MACROD2: variants seen among roughly 807,000 people sequenced by gnomAD.
MACROD2 encodes mono-ADP ribosylhydrolase 2.
A neutral mutation model predicts 70.4 loss-of-function variants in MACROD2; 36 were observed. The ratio of observed to expected loss-of-function variants is 0.51; its 90% CI spans 0.39 to 0.68. The LOEUF is 0.68. MACROD2 is among the 30% of genes least tolerant of loss of function. The pLI is 0.00. For missense variants in MACROD2, 496 were observed against 538.4 expected, an observed-to-expected ratio of 0.92 and a Z score of 0.78; for synonymous variants, 172 against 178.8, an observed-to-expected ratio of 0.96 and a Z score of 0.30.
intron 5 of MACROD2, among the ~76,000 whole-genome samples, chr20:14,806,413 A>G (rs2072639582): frequency 6.6e-6 from 1 of 152,046 alleles, no homozygotes; most frequent in African/African-American, 2.4e-5. Context: ...CAGCCCAGAT[A>G]CTATGCTTTT....
chr20:15,396,331 A>G (rs2045859932), intron 6 of MACROD2, among the ~76,000 whole-genome samples: 1 of 152,204 alleles, frequency 6.6e-6, no homozygotes, highest in African/African-American at 2.4e-5. Flanking sequence ...CATTATTAGT[A>G]TCCCCATTTT....
Position 14,266,321 on chromosome 20 carries a change from T to A in MACROD2, c.271+180593T>A, listed in dbSNP as rs543677765. On this transcript the variant is annotated intron_variant, in intron 3 of 17. Transcript: ENST00000684519. ...CAATAGTCTCTTTCTGTTTTGAAAATTTGGGGTTTCTTGATCATCAGAGGG... is the reference window on the plus strand; with the variant it reads ...CAATAGTCTCTTTCTGTTTTGAAAAATTGGGGTTTCTTGATCATCAGAGGG... Among the ~76,000 whole-genome samples the A allele has an allele frequency of 7.2e-5, 11 of 152,226 alleles. 1 individual carries two copies. Among genetic ancestry groups the A allele is most frequent in the African/African-American group, 2.4e-4 (10 of 41,550 alleles).
intron 8 of MACROD2, among the ~76,000 whole-genome samples, chr20:15,830,102 A>C (rs1478973468): frequency 6.6e-6 from 1 of 152,160 alleles, no homozygotes; most frequent in African/African-American, 2.4e-5. Context: ...ATGAAAGTGC[A>C]AGTGGTGGGC....
intron 3 of MACROD2, among the ~76,000 whole-genome samples, chr20:14,364,442 T>C (rs981369840): frequency 6.6e-5 from 10 of 152,242 alleles, no homozygotes; most frequent in African/African-American, 2.4e-4. Context: ...TTAAAAATTA[T>C]TGTGAAATTT....
chr20:14,470,799 A>G (rs13045655), intron 3 of MACROD2, among the ~76,000 whole-genome samples: 22,743 of 152,192 alleles, frequency 0.15, 2,410 homozygotes, highest in Non-Finnish European at 0.22. Context: ...ATCCCAGGTC[A>G]GCTTCAGACT....
chr20:15,678,455 G>A lies in MACROD2; in HGVS notation c.645+178608G>A, dbSNP rs567720155. 5.9e-5 allele frequency among the ~76,000 whole-genome samples: 9 copies of A among 152,040 alleles called. No individual in the cohort carries two copies. The East Asian group carries it at 1.4e-3, about 23-fold the overall frequency. On this transcript the variant is annotated intron_variant, in intron 8 of 17. Coordinates refer to ENST00000684519, the MANE Select transcript of MACROD2 (RefSeq NM_001351661.2). ...GCTCACTGCAAGCTCTGCCTCCCGG[G>A]TTCACGCCATTCTCCTGCCTCAGCC...
At chr20:14,149,633 C>G (rs376897208) in intron 3 of MACROD2, among the ~76,000 whole-genome samples, 4 of 152,170 alleles carry the variant, frequency 2.6e-5, no homozygotes, top group African/African-American at 7.2e-5. Flanking sequence ...TTCTCCATAG[C>G]CTTATAGCCA....
At chr20:15,952,411 C>T (rs1442906338) in intron 12 of MACROD2, among the ~76,000 whole-genome samples, 2 of 151,582 alleles carry the variant, frequency 1.3e-5, no homozygotes, top group African/African-American at 4.9e-5. Flanking sequence ...TTTATCAGTA[C>T]TGCATCTTTC....
chr20:14,671,291 A>G (rs889012735), intron 4 of MACROD2, among the ~76,000 whole-genome samples: 3 of 152,194 alleles, frequency 2.0e-5, no homozygotes, highest in African/African-American at 4.8e-5. Flanking sequence ...AGCATCTGAA[A>G]AATACATCTT....
intron 5 of MACROD2, among the ~76,000 whole-genome samples, chr20:15,215,555 A>G (rs1396599253): frequency 1.3e-5 from 2 of 152,068 alleles, no homozygotes; most frequent in Non-Finnish European, 2.9e-5. Flanking sequence ...GAAAATACAT[A>G]AAATACATAA....
chr20:14,029,585 T>C (rs1178532216), intron 2 of MACROD2, among the ~76,000 whole-genome samples: 1 of 152,122 alleles, frequency 6.6e-6, no homozygotes, highest in East Asian at 1.9e-4. Context: ...TTTAGAACAA[T>C]ATAAGAAAAA....
chr20:15,699,767 A>T (rs978155840), intron 8 of MACROD2, among the ~76,000 whole-genome samples: 3 of 152,166 alleles, frequency 2.0e-5, no homozygotes, highest in Non-Finnish European at 2.9e-5. Flanking sequence ...AGTTCTTGCC[A>T]GGAGGCTTCT....
intron 13 of MACROD2, among the ~76,000 whole-genome samples, chr20:15,985,140 T>C (rs1288021081): frequency 1.3e-5 from 2 of 152,190 alleles, no homozygotes; most frequent in Non-Finnish European, 2.9e-5. Flanking sequence ...CTCCTTTAAA[T>C]TCTTTCTTGA....
chr20:15,476,888 T>A (rs2047028857), intron 7 of MACROD2, among the ~76,000 whole-genome samples: 1 of 152,182 alleles, frequency 6.6e-6, no homozygotes, highest in South Asian at 2.1e-4. Context: ...TTTTGGTTTG[T>A]CAGAAACTGG....
intron 8 of MACROD2, among the ~76,000 whole-genome samples, chr20:15,548,027 C>A (rs543324525): frequency 6.6e-6 from 1 of 152,124 alleles, no homozygotes; most frequent in African/African-American, 2.4e-5. Flanking sequence ...ATCCAAATAA[C>A]CCTTCTCTCA....
chr20:14,763,490 C>T (rs1055788599), intron 5 of MACROD2, among the ~76,000 whole-genome samples: 3 of 152,056 alleles, frequency 2.0e-5, no homozygotes, highest in Non-Finnish European at 4.4e-5. Flanking sequence ...GTCAGGGATG[C>T]ATGTGAAGGG....
At chr20:15,590,621 G>A (rs762726676) in intron 8 of MACROD2, among the ~76,000 whole-genome samples, 1 of 152,108 alleles carries the variant, frequency 6.6e-6, no homozygotes, top group African/African-American at 2.4e-5. Flanking sequence ...GGTGGCTCAC[G>A]CCTGTAATCC....
chr20:14,330,906 A>C (rs1398894932), intron 3 of MACROD2, among the ~76,000 whole-genome samples: 1 of 152,140 alleles, frequency 6.6e-6, no homozygotes, highest in Non-Finnish European at 1.5e-5. Flanking sequence ...TCTTCTGTAA[A>C]AGTTTTTTAA....
At chr20:14,088,959 A>G (rs2054115803) in intron 3 of MACROD2, among the ~76,000 whole-genome samples, 1 of 152,208 alleles carries the variant, frequency 6.6e-6, no homozygotes, top group Non-Finnish European at 1.5e-5. Flanking sequence ...AAATGGTGCA[A>G]AACAGAAGAA....
Sources: gnomAD v4.1 joint callset for allele counts (sites outside exome capture counted in the v4.1 genomes callset) on GRCh38, gnomAD v4.1.1 for gene constraint, MANE v1.5 for transcripts, NCBI Gene and HGNC (gene_info 2026-07-23, HGNC 2026-07-21) for gene names.